Variants in RPGRIP1 observed in about 807,000 individuals in gnomAD.
The protein encoded by RPGRIP1 is X-linked retinitis pigmentosa GTPase regulator-interacting protein 1.
RPGRIP1 carries 128 observed loss-of-function variants against 157.9 expected under a neutral mutation model. That is an observed-to-expected ratio of 0.81 (90% CI 0.70 to 0.94). The LOEUF is 0.94. RPGRIP1 is among the 40% of genes least tolerant of loss of function. The pLI is 0.00. For missense variants in RPGRIP1, 1,486 were observed against 1,545.8 expected (o/e 0.96, Z 0.65); for synonymous variants, 554 against 571.6 (o/e 0.97, Z 0.44).
chr14:21,345,220 G>A (rs761182762), intron 23 of RPGRIP1, 23 bp downstream of exon 23: 2 of 1,545,840 alleles, frequency 1.3e-6, no homozygotes, highest in Non-Finnish European at 1.8e-6. Flanking sequence ...TTTCCACTTT[G>A]AAACAAAGGA....
At chr14:21,306,974 C>G (rs1366158562) in intron 6 of RPGRIP1, among the ~76,000 whole-genome samples, 2 of 151,910 alleles carry the variant, frequency 1.3e-5, no homozygotes, top group Non-Finnish European at 2.9e-5. Context: ...TGGGGTCTCA[C>G]TATGTTGGCC....
intron 7 of RPGRIP1, among the ~76,000 whole-genome samples, chr14:21,309,828 TAAA>T (rs1362882635): frequency 1.8e-5 from 2 of 113,332 alleles, no homozygotes; most frequent in Non-Finnish European, 3.8e-5. Flanking sequence ...AAATAAAAAA[TAAA>T]TTTAAAAAAA....
At chr14:21,283,269 A>G (rs146809942) in intron 1 of RPGRIP1, among the ~76,000 whole-genome samples, 13 of 152,248 alleles carry the variant, frequency 8.5e-5, no homozygotes, top group African/African-American at 2.6e-4. Context: ...TGGGTGACTA[A>G]GTAAACCTGT....
Position 21,335,569 on chromosome 14 carries a change from G to T in RPGRIP1, c.3339+864G>T, listed in dbSNP as rs528286029. Among the ~76,000 whole-genome samples, 5 of 152,264 alleles carry T rather than the reference G, an allele frequency of 3.3e-5. No individual in the cohort carries two copies. In the South Asian group the frequency reaches 1.0e-3, roughly 32 times the overall value. On this transcript the variant is annotated intron_variant, in intron 21 of 24. Coordinates refer to ENST00000400017, the MANE Select transcript of RPGRIP1 (RefSeq NM_020366.4). ...AAAAAAGCCGGTTGCGGTGGCTCACGCCTGTAATCCCAGCGCTTTGGGAGG... is the reference window on the plus strand; with the variant it reads ...AAAAAAGCCGGTTGCGGTGGCTCACTCCTGTAATCCCAGCGCTTTGGGAGG...
In RPGRIP1 at chr14:21,299,288, C is replaced by T. The variant is rs189323233; in HGVS notation, c.219-1678C>T. Among the ~76,000 whole-genome samples, 650 of 152,068 alleles carry T rather than the reference C, an allele frequency of 4.3e-3. 2 individuals are homozygous for T. The highest frequency in any genetic ancestry group is 5.6e-3 in the Non-Finnish European group (384 of 67,966). ...AAGTGCTAGGATTACAGGCGTGAGC[C>T]ACCGCAAAGGGCCGATTTTTTTTTT... On this transcript the variant is annotated intron_variant, in intron 3 of 24. Transcript: ENST00000400017.
At chr14:21,344,871 G>A (rs1885402477) in intron 22 of RPGRIP1, among the ~76,000 whole-genome samples, 1 of 152,112 alleles carries the variant, frequency 6.6e-6, no homozygotes, top group African/African-American at 2.4e-5. Context: ...GCTTGAACTT[G>A]GGAGATGGAG....
In RPGRIP1 at chr14:21,330,338, A is replaced by G. The variant is rs750354897; in HGVS notation, c.3189A>G (p.Thr1063=). 3.2e-6 allele frequency: 5 copies of G among 1,578,918 alleles called. No homozygotes were observed. The highest frequency in any genetic ancestry group is 4.3e-6 in the Non-Finnish European group (5 of 1,165,960). The change falls in exon 20 of 25, where the codon ACA becomes ACG. Residue 1063 remains threonine, a synonymous_variant. Coordinates refer to ENST00000400017, the MANE Select transcript of RPGRIP1 (RefSeq NM_020366.4). ...ATCAGCACGAGGAAGAGGAAATGAC[A>G]TTATCCCATTCAGCACTGAAACAGA... ...FKNQHEEEEM[T]LSHSALKQKE... is the part of the protein sequence containing the mutation.
chr14:21,282,780 T>G (rs1880179103), intron 1 of RPGRIP1, among the ~76,000 whole-genome samples: 1 of 151,882 alleles, frequency 6.6e-6, no homozygotes, highest in Non-Finnish European at 1.5e-5. Context: ...CGGCTAATTT[T>G]TTGTATTTTG....
intron 20 of RPGRIP1, among the ~76,000 whole-genome samples, chr14:21,334,402 T>C (rs757992061): frequency 5.3e-5 from 8 of 151,998 alleles, no homozygotes; most frequent in Non-Finnish European, 1.2e-4. Flanking sequence ...CTTTCTTTTT[T>C]TGAGAAGTGA....
chr14:21,335,226 A>G (rs368503836), intron 21 of RPGRIP1, among the ~76,000 whole-genome samples: 1 of 152,102 alleles, frequency 6.6e-6, no homozygotes, highest in South Asian at 2.1e-4. Context: ...TTCTTGAGAT[A>G]GTGTAAATGA....
At chr14:21,318,533 T>G (rs192575620) in intron 11 of RPGRIP1, among the ~76,000 whole-genome samples, 11 of 152,324 alleles carry the variant, frequency 7.2e-5, no homozygotes, top group Admixed American at 7.2e-4. Flanking sequence ...TGGAGTACAG[T>G]GATGCGATCT....
chr14:21,336,940 TTAAA>T (rs1884424581), intron 21 of RPGRIP1, among the ~76,000 whole-genome samples: 1 of 152,194 alleles, frequency 6.6e-6, no homozygotes, highest in Admixed American at 6.6e-5. Flanking sequence ...ACTTGAGAAA[TTAAA>T]TATGAGAAAG....
intron 10 of RPGRIP1, among the ~76,000 whole-genome samples, chr14:21,317,365 C>T (rs187051069): frequency 6.6e-6 from 1 of 152,266 alleles, no homozygotes; most frequent in East Asian, 1.9e-4. Context: ...CATTTCTAAT[C>T]CGGCAGGCCT....
rs375918233 is a variant in RPGRIP1, at chr14:21,296,791, C to T, written c.218+1982C>T. Among the ~76,000 whole-genome samples, 77 of 151,710 alleles carry T rather than the reference C, an allele frequency of 5.1e-4. No individual in the cohort carries two copies. The South Asian group carries it at 6.3e-3, about 12-fold the overall frequency. ...CCAACATGATGAAACCCTGTCTCTACTAAAAATACAAAAATTAGCTGGGCG... is the reference window on the plus strand; with the variant it reads ...CCAACATGATGAAACCCTGTCTCTATTAAAAATACAAAAATTAGCTGGGCG... On this transcript the variant is annotated intron_variant, in intron 3 of 24. Coordinates refer to ENST00000400017, the MANE Select transcript of RPGRIP1 (RefSeq NM_020366.4).
chr14:21,321,543 C>T (rs1233807777), intron 13 of RPGRIP1, 141 bp downstream of exon 13: 3 of 1,435,098 alleles, frequency 2.1e-6, no homozygotes, highest in Non-Finnish European at 1.8e-6. Context: ...CAATGGCTGT[C>T]CTTTGAAGAA....
rs767555070 is a variant in RPGRIP1 at position 21,325,076 on chromosome 14, T to C, written c.2215+6T>C. 7.5e-6 allele frequency: 12 copies of C among 1,599,018 alleles called. No individual in the cohort carries two copies. The highest frequency in any genetic ancestry group is 1.0e-5 in the Non-Finnish European group (12 of 1,170,240). On this transcript the variant is annotated splice_donor_region_variant and intron_variant, in intron 15 of 24. Coordinates refer to ENST00000400017, the MANE Select transcript of RPGRIP1 (RefSeq NM_020366.4). ...TGGCTTGGCCACACTGATTGGTAAG[T>C]GCCGTTGGCTTCCTGCGGCTCCTAA...
intron 3 of RPGRIP1, 81 bp downstream of exon 3, chr14:21,294,890 G>A: frequency 8.2e-7 from 1 of 1,221,744 alleles, no homozygotes; most frequent in Middle Eastern, 3.1e-4. Context: ...TGTTGCCCAG[G>A]CTGGAATGCA....
rs780497273 is a variant in RPGRIP1, at chr14:21,326,075, C to T, written c.2612C>T (p.Ser871Phe). The change falls in exon 17 of 25, where the codon TCT becomes TTT. Residue 871 changes from serine to phenylalanine, a missense_variant. By Grantham distance (155) the Ser-to-Phe change is radical. Coordinates refer to ENST00000400017, the MANE Select transcript of RPGRIP1 (RefSeq NM_020366.4). ...CATTATCTGAGACGGGAGGCCTTGT[C>T]TATACATGTTTTTGATGATGAAGAC... The part of the protein sequence containing the change: ...LDHYLRREAL[S>F]IHVFDDEDLE... 6.2e-7 allele frequency: 1 copy of T among 1,613,796 alleles called. No homozygotes were observed. The highest frequency in any genetic ancestry group is 1.1e-5 in the South Asian group (1 of 91,064).
chr14:21,292,361 C>T (rs557389240), intron 2 of RPGRIP1, among the ~76,000 whole-genome samples: 4 of 149,108 alleles, frequency 2.7e-5, no homozygotes, highest in South Asian at 2.1e-4. Flanking sequence ...ACACTGTTTT[C>T]GGAGAAAAAA....
Sources: gnomAD v4.1 joint callset for allele counts (sites outside exome capture counted in the v4.1 genomes callset) on GRCh38, gnomAD v4.1.1 for gene constraint, MANE v1.5 for transcripts, NCBI Gene and HGNC (gene_info 2026-07-23, HGNC 2026-07-21) for gene names.